Variants in ADGRA2 observed in about 807,000 individuals in gnomAD.
The protein encoded by ADGRA2 is adhesion G protein-coupled receptor A2.
A neutral mutation model predicts 98.7 loss-of-function variants in ADGRA2; 61 were observed. The observed-to-expected ratio is 0.62, with a 90% CI of 0.50 to 0.76. The LOEUF is 0.76. Among genes scored for constraint, ADGRA2 ranks in the 30% least tolerant of loss-of-function variants. ADGRA2 has a pLI of 0.00. For synonymous variants in ADGRA2, 858 were observed against 831.5 expected (o/e 1.03, Z -0.55); for missense variants, 1,712 against 1,860.0 (o/e 0.92, Z 1.46).
At chr8:37,828,844 T>A in intron 2 of ADGRA2, 44 bp from the exon 3 acceptor site, 2 of 1,523,686 alleles carry the variant, frequency 1.3e-6, no homozygotes, top group East Asian at 4.6e-5. Context: ...GCAGGGCGGC[T>A]CCAGCGGGGA....
chr8:37,835,818 C>A (rs773326553), intron 13 of ADGRA2, 48 bp downstream of exon 13: 8 of 1,229,610 alleles, frequency 6.5e-6, no homozygotes, highest in Non-Finnish European at 9.5e-6. Flanking sequence ...CTCGTGTGTC[C>A]GCCCTGTTCC....
intron 2 of ADGRA2, among the ~76,000 whole-genome samples, chr8:37,827,900 C>A (rs900931172): frequency 6.6e-6 from 1 of 152,108 alleles, no homozygotes; most frequent in African/African-American, 2.4e-5. Context: ...TTGGGAGGCC[C>A]AGGAGGGAGG....
chr8:37,808,727 C>T (rs776732396), intron 1 of ADGRA2, among the ~76,000 whole-genome samples: 4 of 152,082 alleles, frequency 2.6e-5, no homozygotes, highest in Non-Finnish European at 5.9e-5. Flanking sequence ...TGAGGCAAGT[C>T]GATTTCTTTA....
intron 2 of ADGRA2, among the ~76,000 whole-genome samples, chr8:37,825,166 T>C (rs1019812345): frequency 1.3e-5 from 2 of 152,120 alleles, no homozygotes; most frequent in African/African-American, 4.8e-5. Flanking sequence ...TGTGGAAGCA[T>C]ATCTGCGCGT....
At chr8:37,800,566 G>A (rs574819977) in intron 1 of ADGRA2, among the ~76,000 whole-genome samples, 19 of 152,286 alleles carry the variant, frequency 1.2e-4, no homozygotes, top group Admixed American at 2.6e-4. Context: ...CCATCCCTGC[G>A]CTGGGGGAAC....
In ADGRA2 at chr8:37,842,465, T is replaced by A. The variant is rs1420036981; in HGVS notation, c.*110T>A. ...AGCAGGTTGGAGGCAGAGGAGCCGA[T>A]GGCTGGAGGAAGCCCACAGGCGGAT... On this transcript the variant is annotated 3_prime_UTR_variant, in exon 19 of 19. Transcript: ENST00000412232. 20 of 1,369,138 alleles carry A rather than the reference T, an allele frequency of 1.5e-5. No individual in the cohort carries two copies. The highest frequency in any genetic ancestry group is 1.7e-5 in the Non-Finnish European group (18 of 1,060,388). The allele number at this position is 1,369,138 out of a possible 1,614,324, so 84.8% of individuals were successfully genotyped here. A position where few individuals can be genotyped will look rare whatever the true frequency, so the allele number is the denominator to read the frequency against.
At chr8:37,826,358 AC>A (rs1805282075) in intron 2 of ADGRA2, among the ~76,000 whole-genome samples, 1 of 151,998 alleles carries the variant, frequency 6.6e-6, no homozygotes, top group South Asian at 2.1e-4. Context: ...CCAGAGGGGC[AC>A]CCCTGGCAGC....
chr8:37,841,003 T>C lies in ADGRA2; in HGVS notation c.2748-83T>C. On this transcript the variant is annotated intron_variant, in intron 18 of 18. Transcript: ENST00000412232. This position sits in a 1 kb window ranked among gnomAD's most constrained non-coding sequence, Gnocchi z 5.0. ...CGTCCTTGTCTCCGTACTCACCATA[T>C]CCTGTCTCCCCAACCACCCCGGCCC... 7.3e-7 allele frequency: 1 copy of C among 1,373,992 alleles called. No homozygotes were observed. The highest frequency in any genetic ancestry group is 1.0e-6 in the Non-Finnish European group (1 of 990,430). 85.1% of individuals were successfully genotyped at this position (1,373,992 alleles called of 1,614,324 possible). A position where few individuals can be genotyped will look rare whatever the true frequency, so the allele number is the denominator to read the frequency against.
At chr8:37,818,459 T>C (rs1805038589) in intron 2 of ADGRA2, among the ~76,000 whole-genome samples, 1 of 152,256 alleles carries the variant, frequency 6.6e-6, no homozygotes, top group South Asian at 2.1e-4. Flanking sequence ...AAGTGCACCC[T>C]GAGCATGGCA....
chr8:37,803,215 G>A (rs1804559083), intron 1 of ADGRA2, among the ~76,000 whole-genome samples: 1 of 152,224 alleles, frequency 6.6e-6, no homozygotes, highest in Non-Finnish European at 1.5e-5. Context: ...TCCTGATGGA[G>A]AATAAGTTCC....
At chr8:37,827,001 CAG>C (rs1470786956) in intron 2 of ADGRA2, among the ~76,000 whole-genome samples, 2 of 152,196 alleles carry the variant, frequency 1.3e-5, no homozygotes, top group African/African-American at 4.8e-5. Context: ...CCCCTTCAGA[CAG>C]GGGGCCCCCA....
intron 2 of ADGRA2, among the ~76,000 whole-genome samples, chr8:37,822,472 T>C (rs1004743819): frequency 6.6e-6 from 1 of 151,792 alleles, no homozygotes; most frequent in African/African-American, 2.4e-5. Flanking sequence ...TTACGTGCCA[T>C]AAAAGTTCAC....
At chr8:37,807,958 T>C (rs1311517981) in intron 1 of ADGRA2, among the ~76,000 whole-genome samples, 1 of 152,156 alleles carries the variant, frequency 6.6e-6, no homozygotes, top group Non-Finnish European at 1.5e-5. Flanking sequence ...GGGTCATCTT[T>C]GATGTTGGGG....
chr8:37,821,552 G>C (rs1222559366), intron 2 of ADGRA2, among the ~76,000 whole-genome samples: 1 of 152,170 alleles, frequency 6.6e-6, no homozygotes, highest in African/African-American at 2.4e-5. Flanking sequence ...TTTTCTGGGG[G>C]GCTCTGAGGG....
chr8:37,797,588 G>A lies in ADGRA2; in HGVS notation c.266+54G>A. 1.5e-6 allele frequency: 2 copies of A among 1,299,036 alleles called. No homozygotes were observed. The highest frequency in any genetic ancestry group is 2.1e-4 in the Middle Eastern group (1 of 4,764). 80.5% of individuals were successfully genotyped at this position (1,299,036 alleles called of 1,614,324 possible). A position where few individuals can be genotyped will look rare whatever the true frequency, so the allele number is the denominator to read the frequency against. On this transcript the variant is annotated intron_variant, in intron 1 of 18. Coordinates refer to ENST00000412232, the MANE Select transcript of ADGRA2 (RefSeq NM_032777.10). This position sits in a 1 kb window ranked among gnomAD's most constrained non-coding sequence, Gnocchi z 5.3. ...CGAGCCGGGACTGGGGACGAAGGGA[G>A]GCGAGACGGGAGGGGTGGGAGCAGG...
chr8:37,842,554 AAT>A lies in ADGRA2; in HGVS notation c.*201_*202del. 1.1e-6 allele frequency: 1 copy of A among 913,204 alleles called. No homozygotes were observed. The highest frequency in any genetic ancestry group is 1.5e-6 in the Non-Finnish European group (1 of 669,548). The allele number at this position is 913,204 out of a possible 1,614,324, so 56.6% of individuals were successfully genotyped here. ...GACAGACAATCCCAGAAACACGCAT[AAT>A]ACATTTCCGTCCAGCCCGGGGCAGT... On this transcript the variant is annotated 3_prime_UTR_variant, in exon 19 of 19. Transcript: ENST00000412232.
chr8:37,833,950 C>A lies in ADGRA2; in HGVS notation c.1447-17C>A. 1.2e-6 allele frequency: 2 copies of A among 1,608,832 alleles called. No homozygotes were observed. The highest frequency in any genetic ancestry group is 1.7e-6 in the Non-Finnish European group (2 of 1,176,334). On this transcript the variant is annotated splice_polypyrimidine_tract_variant and intron_variant, in intron 10 of 18. Coordinates refer to ENST00000412232, the MANE Select transcript of ADGRA2 (RefSeq NM_032777.10). Reference sequence around the variant, plus strand: ...CAAACCCCGCCCCTGCCCTCAGCAACTTCCCTGTCCCCCCAGCTGGTAGAG... The same window carrying A: ...CAAACCCCGCCCCTGCCCTCAGCAAATTCCCTGTCCCCCCAGCTGGTAGAG...
chr8:37,829,975 C>A lies in ADGRA2; in HGVS notation c.679C>A (p.Gln227Lys). 1 of 1,602,604 alleles carries A rather than the reference C, an allele frequency of 6.2e-7. No homozygotes were observed. The highest frequency in any genetic ancestry group is 8.5e-7 in the Non-Finnish European group (1 of 1,177,026). ...LCAYPSALHA[Q>K]ALGSLQEAQL... ...TGCTTACCCCAGTGCCCTGCATGCT[C>A]AGGCCCTGGGCAGCCTCCAGGAGGC... Residue 227 changes from glutamine (Q) to lysine (K), a missense_variant, in exon 6 of 19, where the codon CAG becomes AAG. Gln to Lys is a moderately conservative substitution (Grantham distance 53). Transcript: ENST00000412232.
Position 37,823,357 on chromosome 8 carries a change from A to G in ADGRA2, c.339-5531A>G, listed in dbSNP as rs1453947326. Among the ~76,000 whole-genome samples, 3 of 151,494 alleles carry G rather than the reference A, an allele frequency of 2.0e-5. No individual in the cohort carries two copies. In the East Asian group the frequency reaches 5.8e-4, roughly 29 times the overall value. Reference sequence around the variant, plus strand: ...CTGGGACTTACAGGCACGCACCACCATGCCTGGCCAATTTTCTTTTTTGGT... The same window carrying G: ...CTGGGACTTACAGGCACGCACCACCGTGCCTGGCCAATTTTCTTTTTTGGT... On this transcript the variant is annotated intron_variant, in intron 2 of 18. Transcript: ENST00000412232.
Sources: allele counts gnomAD v4.1 joint callset (sites outside exome capture counted in the v4.1 genomes callset), GRCh38; gene constraint gnomAD v4.1.1; non-coding constraint Gnocchi (gnomAD v3.1); transcripts MANE v1.5; gene names NCBI Gene and HGNC (gene_info 2026-07-23, HGNC 2026-07-21).